The following RCOR1 variants were observed in gnomAD, a reference collection of about 807,000 sequenced individuals.
RCOR1 encodes the protein REST corepressor.
In RCOR1, 12 loss-of-function variants were observed where a neutral mutation model predicts 64.0. The observed-to-expected ratio is 0.19, with a 90% CI of 0.12 to 0.30. The LOEUF is 0.30. Among genes scored for constraint, RCOR1 ranks in the 10% least tolerant of loss-of-function variants. The pLI, the probability that RCOR1 is intolerant of heterozygous loss-of-function variation, is 1.00. For synonymous variants in RCOR1, 279 were observed against 227.2 expected (o/e 1.23, Z -2.05); for missense variants, 502 against 621.2 (o/e 0.81, Z 2.04).
intron 4 of RCOR1, among the ~76,000 whole-genome samples, chr14:102,706,853 T>A (rs964424821): frequency 2.0e-5 from 3 of 151,372 alleles, no homozygotes; most frequent in Non-Finnish European, 2.9e-5. Context: ...TAATAAATTT[T>A]TTAAAATTTA....
At chr14:102,700,629 G>A (rs570783221) in intron 3 of RCOR1, among the ~76,000 whole-genome samples, 1 of 152,260 alleles carries the variant, frequency 6.6e-6, no homozygotes, top group African/African-American at 2.4e-5. Context: ...TCAGCTTTCC[G>A]AAGTGTTAGG....
At chr14:102,688,058 C>T (rs1895457999) in intron 3 of RCOR1, among the ~76,000 whole-genome samples, 1 of 151,590 alleles carries the variant, frequency 6.6e-6, no homozygotes. Context: ...CCTCTGCCTC[C>T]TGGGTTCAAG....
intron 2 of RCOR1, chr14:102,655,060 C>T: frequency 5.5e-6 from 1 of 180,208 alleles, no homozygotes; most frequent in Non-Finnish European, 1.1e-5. Flanking sequence ...ATCCTCCCTC[C>T]TCAGCCTCCC....
At chr14:102,703,097 T>C (rs1308969628) in intron 4 of RCOR1, among the ~76,000 whole-genome samples, 1 of 152,152 alleles carries the variant, frequency 6.6e-6, no homozygotes, top group Non-Finnish European at 1.5e-5. Flanking sequence ...TCACTAGACG[T>C]GCTCAAAGGC....
At chr14:102,666,198 A>G (rs1174039289) in intron 2 of RCOR1, among the ~76,000 whole-genome samples, 1 of 152,180 alleles carries the variant, frequency 6.6e-6, no homozygotes, top group Admixed American at 6.5e-5. Context: ...CCAGAAATGT[A>G]ATGACTGTGT....
chr14:102,592,967 C>A lies in RCOR1; in HGVS notation c.81C>A (p.Ala27=). 13 of 1,161,852 alleles carry A rather than the reference C, an allele frequency of 1.1e-5. No homozygotes were observed. Among genetic ancestry groups the A allele is most frequent in the Non-Finnish European group, 1.4e-5 (13 of 939,250 alleles). The allele number at this position is 1,161,852 out of a possible 1,614,324, so 72.0% of individuals were successfully genotyped here. A position where few individuals can be genotyped will look rare whatever the true frequency, so the allele number is the denominator to read the frequency against. Residue 27 remains alanine, a synonymous_variant, in exon 1 of 12, where the codon GCC becomes GCA. Coordinates refer to ENST00000262241, the MANE Select transcript of RCOR1 (RefSeq NM_015156.4). The part of the protein sequence containing the change: ...GRNNAAASAS[A]AAASAAASAA... ...ACAACGCGGCCGCCTCCGCCTCCGC[C>A]GCCGCCGCCTCCGCCGCCGCCTCGG... is the stretch of plus-strand genomic sequence containing the variant.
At chr14:102,620,843 CTCTT>C (rs1333788418) in intron 2 of RCOR1, among the ~76,000 whole-genome samples, 4 of 152,140 alleles carry the variant, frequency 2.6e-5, no homozygotes, top group South Asian at 2.1e-4. Flanking sequence ...TGCTCCATTA[CTCTT>C]TCTTTATCTC....
chr14:102,637,327 A>G (rs957183358), intron 2 of RCOR1, among the ~76,000 whole-genome samples: 7 of 151,820 alleles, frequency 4.6e-5, no homozygotes, highest in East Asian at 1.9e-4. Flanking sequence ...GGGTTTTACT[A>G]TGTTGGTGAG....
chr14:102,649,365 A>T (rs1240805018), intron 2 of RCOR1, among the ~76,000 whole-genome samples: 1 of 152,210 alleles, frequency 6.6e-6, no homozygotes, highest in East Asian at 1.9e-4. Flanking sequence ...AGCTAGTGTG[A>T]TATCACTTGT....
chr14:102,714,853 A>G (rs914603200), intron 8 of RCOR1, among the ~76,000 whole-genome samples: 6 of 152,228 alleles, frequency 3.9e-5, no homozygotes, highest in African/African-American at 1.4e-4. Context: ...AGCAAAGCAT[A>G]TGAATATCAT....
At chr14:102,594,510 T>TGGAC (rs2139872322) in intron 2 of RCOR1, among the ~76,000 whole-genome samples, 1 of 152,352 alleles carries the variant, frequency 6.6e-6, no homozygotes, top group South Asian at 2.1e-4. Context: ...GGTGAGCTCT[T>TGGAC]GGACACTCTG....
intron 3 of RCOR1, among the ~76,000 whole-genome samples, chr14:102,694,895 T>C (rs1036885158): frequency 1.3e-5 from 2 of 152,244 alleles, no homozygotes; most frequent in African/African-American, 4.8e-5. Flanking sequence ...GAGAGAGAAA[T>C]TGGTGTCATG....
At chr14:102,676,671 T>A (rs868550479) in intron 2 of RCOR1, among the ~76,000 whole-genome samples, 1 of 51,674 alleles carries the variant, frequency 1.9e-5, no homozygotes, top group African/African-American at 9.9e-5. Flanking sequence ...GGCGGCTGGC[T>A]GGGCGGGGGG....
At chr14:102,678,202 C>T (rs11486355) in intron 2 of RCOR1, among the ~76,000 whole-genome samples, 2 of 148,804 alleles carry the variant, frequency 1.3e-5, no homozygotes, top group Non-Finnish European at 3.0e-5. Context: ...GGAAGGAGAC[C>T]GTGGAGAGAG....
chr14:102,592,716 G>A lies in RCOR1; in HGVS notation c.-171G>A, dbSNP rs1893151922. On this transcript the variant is annotated 5_prime_UTR_variant, in exon 1 of 12. Coordinates refer to ENST00000262241, the MANE Select transcript of RCOR1 (RefSeq NM_015156.4). ...CTCGGCTCGTCGCTGGGGGCTTGAA[G>A]CGGCTCCGCGCTCTGCCCGTTTGGG... 1 of 1,225,956 alleles carries A rather than the reference G, an allele frequency of 8.2e-7. No homozygotes were observed. The highest frequency in any genetic ancestry group is 1.0e-6 in the Non-Finnish European group (1 of 984,360). The allele number at this position is 1,225,956 out of a possible 1,614,324, so 75.9% of individuals were successfully genotyped here.
intron 2 of RCOR1, chr14:102,656,975 A>G (rs771572178): frequency 4.9e-6 from 2 of 405,568 alleles, no homozygotes; most frequent in Non-Finnish European, 6.6e-6. Flanking sequence ...GGGTTTCACC[A>G]TGTTGGCCAG....
In RCOR1 at chr14:102,729,139, A is replaced by C. The variant is rs1284086467; in HGVS notation, c.*2633A>C. The C allele has an allele frequency of 6.5e-6, 1 of 152,682 alleles. No individual in the cohort carries two copies. Among genetic ancestry groups the C allele is most frequent in the African/African-American group, 2.4e-5 (1 of 41,468 alleles). 9.5% of individuals were successfully genotyped at this position (152,682 alleles called of 1,614,324 possible). A position where few individuals can be genotyped will look rare whatever the true frequency, so the allele number is the denominator to read the frequency against. On this transcript the variant is annotated 3_prime_UTR_variant, in exon 12 of 12. Transcript: ENST00000262241. ...TTGTGGAAAATTTTCTCCTAAGTAT[A>C]AGTTATTGTGCAAAATATAGTGTCA...
At chr14:102,656,548 A>G (rs1894727743) in intron 2 of RCOR1, among the ~76,000 whole-genome samples, 1 of 151,978 alleles carries the variant, frequency 6.6e-6, no homozygotes. Context: ...CATCACTGCA[A>G]CCTCTGCCTC....
chr14:102,700,793 CTTTAT>C (rs1296497251), intron 3 of RCOR1, among the ~76,000 whole-genome samples: 4 of 152,160 alleles, frequency 2.6e-5, no homozygotes, highest in African/African-American at 9.6e-5. Flanking sequence ...ACTGTGTGTT[CTTTAT>C]TTTTAGTCTT....
Sources: allele counts gnomAD v4.1 joint callset (sites outside exome capture counted in the v4.1 genomes callset), GRCh38; gene constraint gnomAD v4.1.1; transcripts MANE v1.5; gene names NCBI Gene and HGNC (gene_info 2026-07-23, HGNC 2026-07-21).